SASH1: variants seen among roughly 807,000 people sequenced by gnomAD.
SASH1 encodes the protein SAM and SH3 domain-containing protein 1.
Under a neutral mutation model 125.2 loss-of-function variants are expected in SASH1, and 44 were observed. The observed-to-expected ratio is 0.35, with a 90% confidence interval of 0.28 to 0.45. The LOEUF is 0.45. SASH1 is among the 20% of genes least tolerant of loss of function. The probability of loss-of-function intolerance (pLI) is 1.00; values close to 1 mark genes in which losing one functional copy is unlikely to be tolerated. For synonymous variants in SASH1, 639 were observed against 649.1 expected (o/e 0.98, Z 0.24); for missense variants, 1,426 against 1,614.5 (o/e 0.88, Z 2.00).
Position 148,531,526 on chromosome 6 carries a change from G to T in SASH1, c.1429G>T (p.Asp477Tyr). The T allele has an allele frequency of 6.6e-7, 1 of 1,514,388 alleles. No homozygotes were observed. The highest frequency in any genetic ancestry group is 8.9e-7 in the Non-Finnish European group (1 of 1,128,078). The allele number at this position is 1,514,388 out of a possible 1,614,324, so 93.8% of individuals were successfully genotyped here. ...TTCATTTTGTTGAAACCCATGGCAG[G>T]ACTCGGGCCTTGATGGAATGCCTGG... ...KKYSSSVSEQ[D>Y]SGLDGMPGSP... Residue 477 changes from aspartate (D) to tyrosine (Y), a missense_variant and splice_region_variant, in exon 13 of 20, where the codon GAC (aspartate) becomes TAC (tyrosine). Asp to Tyr is a radical substitution (Grantham distance 160). This residue lies in a region of SASH1 where 225 missense variants were observed against 344.5 expected (regional missense o/e 0.65). Transcript: ENST00000367467.
intron 1 of SASH1, among the ~76,000 whole-genome samples, chr6:148,385,403 A>G (rs184246618): frequency 4.1e-4 from 63 of 152,348 alleles, no homozygotes; most frequent in African/African-American, 1.4e-3. Flanking sequence ...TGTTGGTTTT[A>G]TGATATTGTG....
intron 2 of SASH1, among the ~76,000 whole-genome samples, chr6:148,426,006 C>A (rs947150307): frequency 6.6e-6 from 1 of 151,896 alleles, no homozygotes; most frequent in African/African-American, 2.4e-5. Flanking sequence ...GTCAGGAGTT[C>A]GAGACTAGCC....
In SASH1 at chr6:148,414,967, G is replaced by C. The variant is rs115834069; in HGVS notation, c.285+24705G>C. On this transcript the variant is annotated intron_variant, in intron 2 of 19. Coordinates refer to ENST00000367467, the MANE Select transcript of SASH1 (RefSeq NM_015278.5). ...CCTCTTGGAGCTTACATTCTACTGA[G>C]CCCAGGAAGAGTTAATACATTTCTC... 2.4e-3 allele frequency among the ~76,000 whole-genome samples: 364 copies of C among 152,254 alleles called. 3 individuals are homozygous for C. The highest frequency in any genetic ancestry group is 8.5e-3 in the African/African-American group (354 of 41,538).
intron 1 of SASH1, among the ~76,000 whole-genome samples, chr6:148,348,638 C>T (rs753480024): frequency 1.8e-4 from 27 of 151,922 alleles, no homozygotes; most frequent in Non-Finnish European, 2.8e-4. Flanking sequence ...CAGATGTAAA[C>T]GTCTGTGTCC....
the SASH1 span, among the ~76,000 whole-genome samples, chr6:148,194,332 GTTTT>G: frequency 3.9e-5 from 6 of 152,126 alleles, no homozygotes; most frequent in Non-Finnish European, 8.8e-5. Context: ...ATTCCAGTGG[GTTTT>G]TTGTTTTTAG....
the SASH1 span, among the ~76,000 whole-genome samples, chr6:148,242,264 A>G: frequency 1.8e-4 from 27 of 152,244 alleles, no homozygotes; most frequent in Admixed American, 7.9e-4. Context: ...AGAAACAGAA[A>G]GGGTGGGAAA....
the SASH1 span, among the ~76,000 whole-genome samples, chr6:148,234,370 TTGTGTGTGTGTGCA>T: frequency 6.6e-6 from 1 of 151,728 alleles, no homozygotes; most frequent in Non-Finnish European, 1.5e-5. Flanking sequence ...TTGAATGTCA[TTGTGTGTGTGTGCA>T]TGTGTGTGTT....
At chr6:148,210,679 T>C in the SASH1 span, among the ~76,000 whole-genome samples, 2 of 152,240 alleles carry the variant, frequency 1.3e-5, no homozygotes, top group Admixed American at 1.3e-4. Flanking sequence ...AGTGTCTTAA[T>C]TCCCAAAACC....
chr6:148,439,363 T>G (rs1776446916), intron 2 of SASH1, among the ~76,000 whole-genome samples: 1 of 152,236 alleles, frequency 6.6e-6, no homozygotes, highest in African/African-American at 2.4e-5. Context: ...AGTTCATTTG[T>G]GTTAGGGAAG....
intron 1 of SASH1, among the ~76,000 whole-genome samples, chr6:148,373,148 G>A (rs1035068766): frequency 3.3e-5 from 5 of 151,974 alleles, no homozygotes; most frequent in Non-Finnish European, 7.4e-5. Context: ...CCAAGATTGC[G>A]CCATTGCACT....
intron 2 of SASH1, among the ~76,000 whole-genome samples, chr6:148,435,516 T>C (rs1776258181): frequency 6.6e-6 from 1 of 152,106 alleles, no homozygotes. Context: ...ATGGAGTATC[T>C]AAATTTCATA....
At chr6:148,494,990 T>G (rs942340497) in intron 8 of SASH1, among the ~76,000 whole-genome samples, 2 of 152,196 alleles carry the variant, frequency 1.3e-5, no homozygotes, top group African/African-American at 2.4e-5. Context: ...TGGCCAGGTT[T>G]TACTTAGAGT....
intron 1 of SASH1, among the ~76,000 whole-genome samples, chr6:148,292,447 A>G (rs1012303276): frequency 1.3e-5 from 2 of 152,160 alleles, no homozygotes; most frequent in Non-Finnish European, 2.9e-5. Flanking sequence ...GGATATGGCT[A>G]TTATTACAGA....
rs564333918 is a variant in SASH1 at position 148,478,135 on chromosome 6, A to G, written c.627+3913A>G. ...GAACAGTATGGAGGTTCCTCACAAT[A>G]CAAAAAAATAGAACTACCATATGAT... On this transcript the variant is annotated intron_variant, in intron 7 of 19. Transcript: ENST00000367467. Among the ~76,000 whole-genome samples, 4 of 152,314 alleles carry G rather than the reference A, an allele frequency of 2.6e-5. No individual in the cohort carries two copies. In the East Asian group the frequency reaches 7.7e-4, roughly 29 times the overall value.
rs571665190 is a variant in SASH1, at chr6:148,325,372, G to A, written n.74+52995G>A. Among the ~76,000 whole-genome samples the A allele has an allele frequency of 2.6e-5, 4 of 152,070 alleles. 1 individual carries two copies. The South Asian group carries it at 8.3e-4, about 32-fold the overall frequency. On this transcript the variant is annotated intron_variant and non_coding_transcript_variant, in intron 1 of 3. Transcript: ENST00000367469. ...GCTCACTGCAACCTCTGCCTCCCGG[G>A]TTCAAGTGATTCTCCTGCCTCAGCC...
the SASH1 span, among the ~76,000 whole-genome samples, chr6:148,210,127 C>T: frequency 6.6e-6 from 1 of 152,232 alleles, no homozygotes; most frequent in Non-Finnish European, 1.5e-5. Flanking sequence ...AGAGCTATGA[C>T]TTTTCACAGT....
In SASH1 at chr6:148,519,453, G is replaced by T; in HGVS notation, c.863-94G>T. ...AAGTGGGAGCTGGGTTTATAAAGAG[G>T]GTCATGATACGGAGAAAGGTGGTGA... On this transcript the variant is annotated intron_variant, in intron 9 of 19. Transcript: ENST00000367467. This position sits in a 1 kb window ranked among gnomAD's most constrained non-coding sequence, Gnocchi z 4.8. 1.1e-6 allele frequency: 1 copy of T among 874,728 alleles called. No homozygotes were observed. Among genetic ancestry groups the T allele is most frequent in the Non-Finnish European group, 1.8e-6 (1 of 554,734 alleles). 54.2% of individuals were successfully genotyped at this position (874,728 alleles called of 1,614,324 possible). A position where few individuals can be genotyped will look rare whatever the true frequency, so the allele number is the denominator to read the frequency against.
intron 11 of SASH1, chr6:148,527,224 A>G (rs1352604273): frequency 2.3e-6 from 1 of 433,544 alleles, no homozygotes; most frequent in African/African-American, 2.1e-5. Context: ...TACTAAAAGT[A>G]AGTAAAATAA....
At chr6:148,522,085 A>G (rs577263513) in intron 10 of SASH1, among the ~76,000 whole-genome samples, 2 of 152,338 alleles carry the variant, frequency 1.3e-5, no homozygotes, top group South Asian at 2.1e-4. Context: ...GGGCAAGCTC[A>G]TCTCCAGGCA....
Sources: gnomAD v4.1 joint callset for allele counts (sites outside exome capture counted in the v4.1 genomes callset) on GRCh38, gnomAD v4.1.1 for gene constraint, gnomAD v4.1.1 regional missense constraint, Gnocchi (gnomAD v3.1) non-coding constraint, MANE v1.5 for transcripts, NCBI Gene and HGNC (gene_info 2026-07-23, HGNC 2026-07-21) for gene names.